The following TMEM214 variants were observed in gnomAD, a reference collection of about 807,000 sequenced individuals.
TMEM214 encodes the protein transmembrane protein 214.
Under a neutral mutation model 89.8 loss-of-function variants are expected in TMEM214, and 71 were observed. That is an observed-to-expected ratio of 0.79 (90% CI 0.65 to 0.96). The LOEUF (loss-of-function observed/expected upper bound fraction) is 0.96, where lower values mean the gene tolerates loss of function less well. Ranked by LOEUF, TMEM214 falls within the 40% of genes least tolerant of loss-of-function variation. The pLI is 0.00. For synonymous variants in TMEM214, 332 were observed against 349.5 expected (o/e 0.95, Z 0.56); for missense variants, 754 against 843.4 (o/e 0.89, Z 1.31).
intron 14 of TMEM214, 89 bp downstream of exon 14, chr2:27,039,926 G>A (rs1667756042): frequency 1.9e-6 from 3 of 1,598,360 alleles, no homozygotes; most frequent in Non-Finnish European, 2.6e-6. Flanking sequence ...GGAAGCGCTT[G>A]TGATTCTCCT....
chr2:27,037,954 C>T (rs1387444854), intron 9 of TMEM214, 192 bp from the exon 10 acceptor site: 6 of 1,549,148 alleles, frequency 3.9e-6, no homozygotes, highest in Non-Finnish European at 8.7e-7. Context: ...AAAGCTCTAG[C>T]TCAGGAGCCC....
In TMEM214 at chr2:27,033,103, G is replaced by C; in HGVS notation, c.88G>C (p.Gly30Arg). 8.0e-7 allele frequency: 1 copy of C among 1,247,858 alleles called. No individual in the cohort carries two copies. The allele number at this position is 1,247,858 out of a possible 1,614,324, so 77.3% of individuals were successfully genotyped here. ...PGVGAGAGGR[G>R]GGRNRRALGE... ...GGTCGGCGCCGGCGCCGGCGGCCGA[G>C]GAGGCGGCAGGAACCGCAGGGCGCT... is the stretch of plus-strand genomic sequence containing the variant. Residue 30 changes from glycine (G) to arginine (R), a missense_variant, in exon 1 of 17, where the codon GGA becomes CGA. By Grantham distance (125) the Gly-to-Arg change is moderately radical (BLOSUM62 -2). Transcript: ENST00000238788.
chr2:27,040,401 GC>G lies in TMEM214; in HGVS notation c.1852del (p.Leu618CysfsTer34). 1 of 1,614,212 alleles carries G rather than the reference GC, an allele frequency of 6.2e-7. No homozygotes were observed. The highest frequency in any genetic ancestry group is 8.5e-7 in the Non-Finnish European group (1 of 1,180,038). On this transcript the variant is annotated frameshift_variant, in exon 16 of 17. Coordinates refer to ENST00000238788, the MANE Select transcript of TMEM214 (RefSeq NM_017727.5). LOFTEE classifies it high-confidence loss of function. ...AGCTACTCCGCTATCTGAGAGAGCT[GC>G]CCCTGCTTTTCCACCAGAATGTGCT... is the stretch of plus-strand genomic sequence containing the variant. ...NQLLRYLRELPLLFHQNVLLP... is the reference protein window; with the variant it reads ...NQLLRYLRELXLLFHQNVLLP...
chr2:27,039,269 T>G (rs1158433927), intron 13 of TMEM214, 105 bp downstream of exon 13: 4 of 942,292 alleles, frequency 4.2e-6, no homozygotes, highest in Non-Finnish European at 6.5e-6. Context: ...TCCTGACGAG[T>G]TCTCAATCCT....
In TMEM214 at chr2:27,036,248, A is replaced by G. The variant is rs2148242428; in HGVS notation, c.720+196A>G. ...GGTACTGCTATTATTTCCCATTTTT[A>G]TAGATGAAAAGATTGAGCCACAGAG... On this transcript the variant is annotated intron_variant, in intron 5 of 16. Transcript: ENST00000238788. 2.6e-5 allele frequency among the ~76,000 whole-genome samples: 4 copies of G among 152,374 alleles called. 1 individual carries two copies. Among genetic ancestry groups the G allele is most frequent in the Admixed American group, 2.6e-4 (4 of 15,310 alleles).
At chr2:27,034,327 G>A in intron 2 of TMEM214, 61 bp downstream of exon 2, 1 of 1,561,060 alleles carries the variant, frequency 6.4e-7, no homozygotes, top group Non-Finnish European at 8.7e-7. Context: ...GAGAAGATGA[G>A]AGGAGGGGGA....
chr2:27,039,266 G>C (rs1300051863), intron 13 of TMEM214, 102 bp downstream of exon 13: 34 of 990,692 alleles, frequency 3.4e-5, no homozygotes, highest in Non-Finnish European at 5.2e-5. Context: ...TTGTCCTGAC[G>C]AGTTCTCAAT....
At chr2:27,033,937 A>G (rs933285709) in intron 1 of TMEM214, 130 bp from the exon 2 acceptor site, 5 of 999,894 alleles carry the variant, frequency 5.0e-6, no homozygotes, top group Non-Finnish European at 7.6e-6. Context: ...GCAGTCCAAG[A>G]GGAAGGGGCT....
intron 2 of TMEM214, 164 bp downstream of exon 2, chr2:27,034,430 G>T: frequency 1.3e-6 from 1 of 747,832 alleles, no homozygotes; most frequent in East Asian, 2.7e-5. Context: ...GGAACAGAAT[G>T]CCTGCACTTA....
At position 27,040,371 on chromosome 2, in the gene TMEM214, G is replaced by A; in HGVS notation, c.1818G>A (p.Val606=). The change falls in exon 16 of 17, where the codon GTG becomes GTA. Residue 606 remains valine (V), a synonymous_variant. Coordinates refer to ENST00000238788, the MANE Select transcript of TMEM214 (RefSeq NM_017727.5). ...TACAGATCCAGCTCCCCGATTCCGT[G>A]AATCAGCTACTCCGCTATCTGAGAG... ...QRLQIQLPDS[V]NQLLRYLREL... The A allele has an allele frequency of 6.2e-7, 1 of 1,614,224 alleles. No homozygotes were observed. Among genetic ancestry groups the A allele is most frequent in the Non-Finnish European group, 8.5e-7 (1 of 1,180,048 alleles).
intron 3 of TMEM214, 124 bp downstream of exon 3, chr2:27,035,409 A>G (rs1667510610): frequency 2.1e-6 from 3 of 1,451,564 alleles, no homozygotes; most frequent in Non-Finnish European, 2.8e-6. Context: ...GTCTCAAATC[A>G]TCGTGACTGT....
intron 1 of TMEM214, 38 bp downstream of exon 1, chr2:27,033,204 TG>T: frequency 4.0e-6 from 5 of 1,243,922 alleles, no homozygotes; most frequent in Non-Finnish European, 5.1e-6. Context: ...ACCCCAGGCC[TG>T]TCCGGCAGGG....
rs750924360 is a variant in TMEM214 at position 27,038,735 on chromosome 2, C to T, written c.1327C>T (p.Leu443Phe). The change falls in exon 12 of 17, where the codon CTC becomes TTC. Residue 443 changes from leucine (L) to phenylalanine (F), a missense_variant. By Grantham distance (22) the Leu-to-Phe change is conservative. Transcript: ENST00000238788. The surrounding 1 kb of genome is among the most constrained non-coding windows in gnomAD (Gnocchi z 4.4). ...GTCTTTGCAAGAAACCATTCAGTCC[C>T]TCAAGCTTACCAACCAGGAGCTGCT... ...QKSLQETIQS[L>F]KLTNQELLRK... 3.1e-5 allele frequency: 50 copies of T among 1,614,022 alleles called. No homozygotes were observed. The highest frequency in any genetic ancestry group is 2.7e-5 in the African/African-American group (2 of 74,912).
At position 27,036,572 on chromosome 2, in the gene TMEM214, A is replaced by C; in HGVS notation, c.806A>C (p.Asn269Thr). The C allele has an allele frequency of 6.2e-7, 1 of 1,614,120 alleles. No individual in the cohort carries two copies. Among genetic ancestry groups the C allele is most frequent in the Non-Finnish European group, 8.5e-7 (1 of 1,180,004 alleles). Residue 269 changes from asparagine to threonine, a missense_variant, in exon 6 of 17, where the codon AAC (asparagine) becomes ACC (threonine). By Grantham distance (65) the Asn-to-Thr change is moderately conservative (BLOSUM62 0). Coordinates refer to ENST00000238788, the MANE Select transcript of TMEM214 (RefSeq NM_017727.5). Reference sequence around the variant, plus strand: ...GCCCTGGGTCAAGCAGGTTTTGCCAACCTCACCGAGGGACTGAAAGGTAAC... The same window carrying C: ...GCCCTGGGTCAAGCAGGTTTTGCCACCCTCACCGAGGGACTGAAAGGTAAC... ...MWALGQAGFA[N>T]LTEGLKVWLG...
chr2:27,033,391 G>C (rs1667415347), intron 1 of TMEM214, among the ~76,000 whole-genome samples: 1 of 152,182 alleles, frequency 6.6e-6, no homozygotes, highest in South Asian at 2.1e-4. Context: ...CTTGGCCAGG[G>C]TCATGTGTCA....
At position 27,040,402 on chromosome 2, in the gene TMEM214, C is replaced by A; in HGVS notation, c.1849C>A (p.Pro617Thr). The A allele has an allele frequency of 6.2e-7, 1 of 1,614,250 alleles. No homozygotes were observed. The highest frequency in any genetic ancestry group is 8.5e-7 in the Non-Finnish European group (1 of 1,180,050). The part of the protein sequence containing the change: ...NQLLRYLREL[P>T]LLFHQNVLLP... ...GCTACTCCGCTATCTGAGAGAGCTG[C>A]CCCTGCTTTTCCACCAGAATGTGCT... is the stretch of plus-strand genomic sequence containing the variant. Residue 617 changes from proline to threonine, a missense_variant, in exon 16 of 17, where the codon CCC becomes ACC. Pro to Thr is a conservative substitution (Grantham distance 38, BLOSUM62 -1). Transcript: ENST00000238788.
Position 27,033,067 on chromosome 2 carries a change from C to T in TMEM214, c.52C>T (p.Arg18Trp). 8.0e-7 allele frequency: 1 copy of T among 1,247,690 alleles called. No individual in the cohort carries two copies. Among genetic ancestry groups the T allele is most frequent in the Non-Finnish European group, 1.0e-6 (1 of 988,048 alleles). 77.3% of individuals were successfully genotyped at this position (1,247,690 alleles called of 1,614,324 possible). A position where few individuals can be genotyped will look rare whatever the true frequency, so the allele number is the denominator to read the frequency against. ...GCGGTGGGAGGTAGTGAAGAAGGGTCGGCGGCCTGGGGTCGGCGCCGGCGC... is the reference window on the plus strand; with the variant it reads ...GCGGTGGGAGGTAGTGAAGAAGGGTTGGCGGCCTGGGGTCGGCGCCGGCGC... ...VGRWEVVKKG[R>W]RPGVGAGAGG... Residue 18 changes from arginine (R) to tryptophan (W), a missense_variant, in exon 1 of 17, where the codon CGG becomes TGG. Coordinates refer to ENST00000238788, the MANE Select transcript of TMEM214 (RefSeq NM_017727.5).
In TMEM214 at chr2:27,041,036, A is replaced by C; in HGVS notation, c.*199A>C. On this transcript the variant is annotated 3_prime_UTR_variant, in exon 17 of 17. Transcript: ENST00000238788. ...AGCAGCATCTCAGCCTCCTACCCAC[A>C]ATTCCACTGAACACTTTTCTGGCCC... is the stretch of plus-strand genomic sequence containing the variant. The C allele has an allele frequency of 1.6e-6, 1 of 616,810 alleles. No individual in the cohort carries two copies. Among genetic ancestry groups the C allele is most frequent in the Middle Eastern group, 4.5e-4 (1 of 2,226 alleles). 38.2% of individuals were successfully genotyped at this position (616,810 alleles called of 1,614,324 possible).
Position 27,032,982 on chromosome 2 carries a change from C to T in TMEM214, c.-34C>T, listed in dbSNP as rs1667396497. On this transcript the variant is annotated 5_prime_UTR_variant, in exon 1 of 17. Transcript: ENST00000238788. ...GCGCGCTCGCGCCGGACCGGAAAGC[C>T]GGGGAAGTGGCCGAGGAGGGAGGGC... 2 of 1,244,248 alleles carry T rather than the reference C, an allele frequency of 1.6e-6. No homozygotes were observed. The highest frequency in any genetic ancestry group is 2.0e-6 in the Non-Finnish European group (2 of 987,110). 77.1% of individuals were successfully genotyped at this position (1,244,248 alleles called of 1,614,324 possible).
Sources: allele counts gnomAD v4.1 joint callset (sites outside exome capture counted in the v4.1 genomes callset), GRCh38; gene constraint gnomAD v4.1.1; non-coding constraint Gnocchi (gnomAD v3.1); transcripts MANE v1.5; gene names NCBI Gene and HGNC (gene_info 2026-07-23, HGNC 2026-07-21).